OTOF: variants seen among roughly 807,000 people sequenced by gnomAD.
The protein encoded by OTOF is otoferlin.
Under a neutral mutation model 236.8 loss-of-function variants are expected in OTOF, and 218 were observed. The observed-to-expected ratio is 0.92, with a 90% CI of 0.82 to 1.03. The LOEUF is 1.03. OTOF is among the 50% of genes least tolerant of loss of function. The probability of loss-of-function intolerance (pLI) is 0.00; values close to 1 mark genes in which losing one functional copy is unlikely to be tolerated. For missense variants in OTOF, 2,590 were observed against 2,694.4 expected (o/e 0.96, Z 0.86); for synonymous variants, 1,041 against 1,072.5 (o/e 0.97, Z 0.57).
chr2:26,550,100 G>A (rs1215677815), intron 1 of OTOF, among the ~76,000 whole-genome samples: 3 of 150,630 alleles, frequency 2.0e-5, no homozygotes, highest in African/African-American at 7.4e-5. Flanking sequence ...CTTAAACTTC[G>A]GCTGAAAAAA....
chr2:26,516,647 C>G, intron 4 of OTOF, 48 bp from the exon 5 acceptor site: 2 of 1,583,806 alleles, frequency 1.3e-6, no homozygotes. Flanking sequence ...TGACAGCAAT[C>G]TCCACCCCGT....
chr2:26,554,781 G>T (rs1392100711), intron 1 of OTOF, among the ~76,000 whole-genome samples: 1 of 152,022 alleles, frequency 6.6e-6, no homozygotes, highest in Admixed American at 6.5e-5. Flanking sequence ...TCAGGGGGAG[G>T]GTGGGAAGAA....
intron 3 of OTOF, among the ~76,000 whole-genome samples, chr2:26,521,594 G>C (rs1257772537): frequency 4.6e-5 from 7 of 152,122 alleles, no homozygotes; most frequent in Non-Finnish European, 7.4e-5. Context: ...GACAGTGATG[G>C]GGCTGTCACT....
chr2:26,556,868 C>T (rs367951077), intron 1 of OTOF, among the ~76,000 whole-genome samples: 40 of 152,358 alleles, frequency 2.6e-4, no homozygotes, highest in African/African-American at 8.9e-4. Context: ...CCGCCCCACA[C>T]TATGCTGCCC....
In OTOF at chr2:26,473,918, T is replaced by C; in HGVS notation, c.3408+73A>G. On this transcript the variant is annotated intron_variant, in intron 27 of 46. Transcript: ENST00000272371. The surrounding 1 kb of genome is among the most constrained non-coding windows in gnomAD (Gnocchi z 7.2). ...CCTGGTGATGGTGGTGGGAGGGGGATGACAAGCCACTTCCCCTCCTGGGTC... is the reference window on the plus strand; with the variant it reads ...CCTGGTGATGGTGGTGGGAGGGGGACGACAAGCCACTTCCCCTCCTGGGTC... The C allele has an allele frequency of 6.3e-7, 1 of 1,584,390 alleles. No homozygotes were observed. The highest frequency in any genetic ancestry group is 8.7e-7 in the Non-Finnish European group (1 of 1,154,722).
intron 5 of OTOF, among the ~76,000 whole-genome samples, chr2:26,504,893 A>G (rs771801592): frequency 7.2e-5 from 11 of 152,126 alleles, no homozygotes; most frequent in Non-Finnish European, 1.5e-4. Flanking sequence ...GTAGGCTCCA[A>G]CCTGGAGCTC....
rs41288773 is a variant in OTOF at position 26,472,632 on chromosome 2, A to C, written c.3751T>G (p.Cys1251Gly). 34,002 of 1,613,122 alleles carry C rather than the reference A, an allele frequency of 0.021. 403 individuals are homozygous for C. The highest frequency in any genetic ancestry group is 0.027 in the Middle Eastern group (161 of 6,062). ...WNTTVRLLRRCRVLCNGGSSS... is the reference protein window; with the variant it reads ...WNTTVRLLRRGRVLCNGGSSS... Reference sequence around the variant, plus strand: ...GAGCCCCCATTGCACAGCACACGGCAGCGCCGGAGAAGCCTGACTGGACAG... The same window carrying C: ...GAGCCCCCATTGCACAGCACACGGCCGCGCCGGAGAAGCCTGACTGGACAG... Residue 1251 changes from cysteine to glycine, a missense_variant, in exon 30 of 47, where the codon TGC becomes GGC. This residue lies in a region of OTOF where 1,211 missense variants were observed against 1,352.8 expected (regional missense o/e 0.90). Transcript: ENST00000272371.
chr2:26,476,009 T>A lies in OTOF; in HGVS notation c.2896A>T (p.Met966Leu). 1.9e-6 allele frequency: 3 copies of A among 1,612,608 alleles called. No individual in the cohort carries two copies. The highest frequency in any genetic ancestry group is 2.5e-6 in the Non-Finnish European group (3 of 1,179,894). Residue 966 changes from methionine (M) to leucine (L), a missense_variant, in exon 24 of 47, where the codon ATG (methionine) becomes TTG (leucine). Around this residue, in one of 2 missense-constraint regions of OTOF, gnomAD observed 1,379 missense variants for 1,341.6 expected, o/e 1.03. Transcript: ENST00000272371. ...KKQAFQLRAH[M>L]YQARSLFAAD... ...GCAAAGAGGCTGCGGGCCTGGTACA[T>A]GTGCGCTCGGAGCTGGAACGCCTGC...
intron 9 of OTOF, among the ~76,000 whole-genome samples, chr2:26,492,054 A>T (rs1665862590): frequency 6.6e-6 from 1 of 152,218 alleles, no homozygotes. Flanking sequence ...GACGAGGAGG[A>T]TGTCCTTCAT....
At position 26,483,454 on chromosome 2, in the gene OTOF, C is replaced by T; in HGVS notation, c.1392+8G>A. ...AGCCCCAGCCTCCTGTACCTCATAC[C>T]CCAGTACCTTCTGGCCAGCAAAGAA... is the stretch of plus-strand genomic sequence containing the variant. On this transcript the variant is annotated splice_region_variant and intron_variant, in intron 13 of 46. Transcript: ENST00000272371. 1 of 1,613,268 alleles carries T rather than the reference C, an allele frequency of 6.2e-7. No homozygotes were observed. The highest frequency in any genetic ancestry group is 8.5e-7 in the Non-Finnish European group (1 of 1,179,754).
rs1664255863 is a variant in OTOF at position 26,457,764 on chromosome 2, G to A, written c.*474C>T. The A allele has an allele frequency of 4.5e-6, 2 of 442,986 alleles. No individual in the cohort carries two copies. Among genetic ancestry groups the A allele is most frequent in the Admixed American group, 3.8e-5 (1 of 26,288 alleles). The allele number at this position is 442,986 out of a possible 1,614,324, so 27.4% of individuals were successfully genotyped here. ...GAGCCTGGGCCTGAAGAAGGGTGGC[G>A]CCTCAGCCAGGTGGGGCAAGAGAGA... On this transcript the variant is annotated 3_prime_UTR_variant, in exon 47 of 47. Transcript: ENST00000272371. The surrounding 1 kb of genome is among the most constrained non-coding windows in gnomAD (Gnocchi z 4.4).
At chr2:26,528,018 AG>A in intron 2 of OTOF, 98 bp from the exon 3 acceptor site, 1 of 860,308 alleles carries the variant, frequency 1.2e-6, no homozygotes, top group Non-Finnish European at 2.0e-6. Flanking sequence ...CAACAGTCAG[AG>A]TGGCCCCTCA....
At position 26,465,782 on chromosome 2, in the gene OTOF, G is replaced by C; in HGVS notation, c.4689C>G (p.Asp1563Glu). The C allele has an allele frequency of 1.2e-6, 2 of 1,614,236 alleles. No homozygotes were observed. Among genetic ancestry groups the C allele is most frequent in the Non-Finnish European group, 1.7e-6 (2 of 1,180,042 alleles). The change falls in exon 38 of 47, where the codon GAC (aspartate) becomes GAG (glutamate). Residue 1563 changes from aspartate (D) to glutamate (E), a missense_variant. By Grantham distance (45) the Asp-to-Glu change is conservative (BLOSUM62 2). Transcript: ENST00000272371. Reference sequence around the variant, plus strand: ...GGTCATCAGTGCCCACCAGGTCCCAGTCATACACAGCCACCGTCAGCATGG... The same window carrying C: ...GGTCATCAGTGCCCACCAGGTCCCACTCATACACAGCCACCGTCAGCATGG... ...MESMLTVAVY[D>E]WDLVGTDDLI...
At chr2:26,496,792 G>A (rs758158261) in intron 8 of OTOF, among the ~76,000 whole-genome samples, 19 of 151,962 alleles carry the variant, frequency 1.3e-4, no homozygotes, top group Non-Finnish European at 2.8e-4. Context: ...AGGTGTGAGG[G>A]CAAATGACCA....
In OTOF at chr2:26,476,011, T is replaced by C. The variant is rs781747029; in HGVS notation, c.2894A>G (p.His965Arg). 1.2e-6 allele frequency: 2 copies of C among 1,612,464 alleles called. No individual in the cohort carries two copies. The highest frequency in any genetic ancestry group is 2.2e-5 in the East Asian group (1 of 44,878). The change falls in exon 24 of 47, where the codon CAC becomes CGC. Residue 965 changes from histidine (H) to arginine (R), a missense_variant. His to Arg is a conservative substitution (Grantham distance 29). Coordinates refer to ENST00000272371, the MANE Select transcript of OTOF (RefSeq NM_194248.3). ...TKKQAFQLRA[H>R]MYQARSLFAA... is the part of the protein sequence containing the mutation. Reference sequence around the variant, plus strand: ...AAAGAGGCTGCGGGCCTGGTACATGTGCGCTCGGAGCTGGAACGCCTGCTT... The same window carrying C: ...AAAGAGGCTGCGGGCCTGGTACATGCGCGCTCGGAGCTGGAACGCCTGCTT...
chr2:26,487,394 C>T (rs1374751543), intron 11 of OTOF, among the ~76,000 whole-genome samples: 5 of 152,164 alleles, frequency 3.3e-5, no homozygotes, highest in Admixed American at 2.0e-4. Flanking sequence ...CAGCAAATCT[C>T]GAGCTAGGTT....
At chr2:26,527,743 T>G (rs749091760) in intron 3 of OTOF, 89 bp downstream of exon 3, 2 of 978,008 alleles carry the variant, frequency 2.0e-6, no homozygotes, top group Non-Finnish European at 1.7e-6. Flanking sequence ...AGGTCCCCTT[T>G]TTAAGCCCCA....
chr2:26,464,294 AG>A (rs1489222001), intron 39 of OTOF, among the ~76,000 whole-genome samples, 188 bp from the exon 40 acceptor site: 1 of 152,064 alleles, frequency 6.6e-6, no homozygotes, highest in Non-Finnish European at 1.5e-5. Context: ...GCTGCCCCAC[AG>A]GGCCAAGAGA....
chr2:26,476,994 T>C lies in OTOF; in HGVS notation c.2573A>G (p.Lys858Arg). The C allele has an allele frequency of 6.2e-7, 1 of 1,611,572 alleles. No homozygotes were observed. The highest frequency in any genetic ancestry group is 8.5e-7 in the Non-Finnish European group (1 of 1,179,474). ...GGGCACACGGGCATAGGCGACACGC[T>C]TGTTGTTGCTCATCATCCAGATGAA... ...DIFIWMMSNN[K>R]RVAYARVPSK... The change falls in exon 22 of 47, where the codon AAG becomes AGG. Residue 858 changes from lysine (K) to arginine (R), a missense_variant. This residue lies in a region of OTOF where 1,379 missense variants were observed against 1,341.6 expected (regional missense o/e 1.03). Transcript: ENST00000272371.
Sources: gnomAD v4.1 joint callset for allele counts (sites outside exome capture counted in the v4.1 genomes callset) on GRCh38, gnomAD v4.1.1 for gene constraint, gnomAD v4.1.1 regional missense constraint, Gnocchi (gnomAD v3.1) non-coding constraint, MANE v1.5 for transcripts, NCBI Gene and HGNC (gene_info 2026-07-23, HGNC 2026-07-21) for gene names.